The following BRAF variants were observed in gnomAD, a reference collection of about 807,000 sequenced individuals.
BRAF encodes the protein B-Raf proto-oncogene, serine/threonine kinase, also known as serine/threonine-protein kinase B-raf.
In BRAF, 16 loss-of-function variants were observed where a neutral mutation model predicts 104.6. That is an observed-to-expected ratio of 0.15 (90% CI 0.10 to 0.23). The LOEUF is 0.23. Among genes scored for constraint, BRAF ranks in the 10% least tolerant of loss-of-function variants. The pLI is 1.00. For synonymous variants in BRAF, 310 were observed against 341.6 expected (o/e 0.91, Z 1.02); for missense variants, 541 against 937.3 (o/e 0.58, Z 5.52).
intron 1 of BRAF, among the ~76,000 whole-genome samples, chr7:140,905,126 G>A (rs1261963826): frequency 6.6e-6 from 1 of 152,036 alleles, no homozygotes; most frequent in Non-Finnish European, 1.5e-5. Context: ...GCCACTGTTG[G>A]GTAGAATGGG....
rs541569983 is a variant in BRAF at position 140,918,612 on chromosome 7, A to C, written c.138+5954T>G. Among the ~76,000 whole-genome samples the C allele has an allele frequency of 2.6e-5, 4 of 152,316 alleles. No individual in the cohort carries two copies. In the East Asian group the frequency reaches 5.8e-4, roughly 22 times the overall value. On this transcript the variant is annotated intron_variant, in intron 1 of 19. Coordinates refer to ENST00000644969, the MANE Select transcript of BRAF (RefSeq NM_001374258.1). ...TGAAACCCCAAAACAGTGTTTTTCAAACTGCCTGTTGCAGCCAATTTGGCT... is the reference window on the plus strand; with the variant it reads ...TGAAACCCCAAAACAGTGTTTTTCACACTGCCTGTTGCAGCCAATTTGGCT...
At position 140,788,978 on chromosome 7, in the gene BRAF, A is replaced by G. The variant is rs565600073; in HGVS notation, c.1141-1394T>C. ...GTAATACCAGCACTTTGGGAGGCTG[A>G]GGCTGGTGGATCACGAGGTTAGGAG... is the stretch of plus-strand genomic sequence containing the variant. On this transcript the variant is annotated intron_variant, in intron 8 of 19. Transcript: ENST00000644969. Among the ~76,000 whole-genome samples the G allele has an allele frequency of 7.6e-3, 1,155 of 151,788 alleles. 18 individuals are homozygous for G. The highest frequency in any genetic ancestry group is 0.026 in the African/African-American group (1,090 of 41,442).
chr7:140,921,295 T>C (rs1317502677), intron 1 of BRAF, among the ~76,000 whole-genome samples: 1 of 152,170 alleles, frequency 6.6e-6, no homozygotes, highest in Admixed American at 6.5e-5. Context: ...AATGGTCAGA[T>C]GTTAATGTTT....
At chr7:140,923,917 C>CA (rs1273261331) in intron 1 of BRAF, among the ~76,000 whole-genome samples, 1 of 152,126 alleles carries the variant, frequency 6.6e-6, no homozygotes, top group Admixed American at 6.5e-5. Flanking sequence ...AGAGCGCTGA[C>CA]AAACATTAGG....
At chr7:140,894,891 C>T (rs1007327734) in intron 1 of BRAF, among the ~76,000 whole-genome samples, 2 of 152,054 alleles carry the variant, frequency 1.3e-5, no homozygotes, top group Admixed American at 6.6e-5. Context: ...AAGAATGGGC[C>T]CAGTGGTTAC....
chr7:140,845,486 A>C (rs189115478), intron 2 of BRAF, among the ~76,000 whole-genome samples: 1 of 152,356 alleles, frequency 6.6e-6, no homozygotes, highest in East Asian at 1.9e-4. Flanking sequence ...TACGCTCAAT[A>C]ACAAGAACAA....
At chr7:140,859,093 T>C (rs1810116334) in intron 1 of BRAF, among the ~76,000 whole-genome samples, 1 of 152,122 alleles carries the variant, frequency 6.6e-6, no homozygotes, top group Non-Finnish European at 1.5e-5. Flanking sequence ...TTATAAAGAA[T>C]CTAGAAGAAA....
intron 3 of BRAF, among the ~76,000 whole-genome samples, chr7:140,815,432 A>AT (rs11445161): frequency 0.12 from 13,259 of 111,820 alleles, 1,416 homozygotes; most frequent in African/African-American, 0.26. Flanking sequence ...GGTGTGAGCC[A>AT]TTTTTTTTTT....
chr7:140,828,940 A>C (rs1806387161), intron 3 of BRAF, among the ~76,000 whole-genome samples: 1 of 152,154 alleles, frequency 6.6e-6, no homozygotes, highest in South Asian at 2.1e-4. Flanking sequence ...AAATGATCTC[A>C]TAGTTTTAAT....
chr7:140,914,509 T>G (rs1381244166), intron 1 of BRAF, among the ~76,000 whole-genome samples: 1 of 152,180 alleles, frequency 6.6e-6, no homozygotes, highest in Non-Finnish European at 1.5e-5. Context: ...TCATAATCTC[T>G]TCCCTATTTG....
downstream of BRAF, among the ~76,000 whole-genome samples, chr7:140,718,628 C>A (rs1177471367): frequency 6.6e-6 from 1 of 150,966 alleles, no homozygotes; most frequent in Non-Finnish European, 1.5e-5. Flanking sequence ...AGGTGATCCA[C>A]CCGCCTCGGC....
chr7:140,890,718 C>CATCT (rs999018844), intron 1 of BRAF, among the ~76,000 whole-genome samples: 18 of 152,216 alleles, frequency 1.2e-4, no homozygotes, highest in Non-Finnish European at 2.1e-4. Context: ...GGGCCCCAGG[C>CATCT]ATCTGTACCT....
intron 14 of BRAF, chr7:140,758,116 A>AT (rs2129002737): frequency 6.6e-6 from 1 of 152,324 alleles, no homozygotes; most frequent in South Asian, 2.1e-4. Context: ...AGACATTTGC[A>AT]TGTCAGCCCT....
chr7:140,882,861 G>A (rs897353400), intron 1 of BRAF, among the ~76,000 whole-genome samples: 2 of 152,018 alleles, frequency 1.3e-5, no homozygotes, highest in African/African-American at 4.8e-5. Flanking sequence ...GGGCATGGTG[G>A]TGCATGCCTG....
At chr7:140,808,843 T>C (rs369866642) in intron 4 of BRAF, 49 bp downstream of exon 4, 53 of 1,444,938 alleles carry the variant, frequency 3.7e-5, no homozygotes, top group Non-Finnish European at 4.8e-5. Context: ...CAAAGTTTAA[T>C]GTGTGATTTT....
In BRAF at chr7:140,722,570, A is replaced by G; in HGVS notation, c.*3924T>C. The G allele has an allele frequency of 9.5e-7, 1 of 1,055,844 alleles. No homozygotes were observed. The highest frequency in any genetic ancestry group is 1.1e-6 in the Non-Finnish European group (1 of 873,366). 65.4% of individuals were successfully genotyped at this position (1,055,844 alleles called of 1,614,324 possible). A position where few individuals can be genotyped will look rare whatever the true frequency, so the allele number is the denominator to read the frequency against. On this transcript the variant is annotated 3_prime_UTR_variant, in exon 20 of 20. Transcript: ENST00000644969. ...CTCTGGCTATGGTGTTTATAGCCTA[A>G]TGGTTGGAATCTGCTCGTCTCAAGG...
At chr7:140,838,074 C>A (rs1807536417) in intron 2 of BRAF, among the ~76,000 whole-genome samples, 1 of 152,162 alleles carries the variant, frequency 6.6e-6, no homozygotes, top group Admixed American at 6.5e-5. Flanking sequence ...CCACCACCAC[C>A]ATTTCTTTTG....
chr7:140,826,689 C>A (rs1422289689), intron 3 of BRAF, among the ~76,000 whole-genome samples: 1 of 152,162 alleles, frequency 6.6e-6, no homozygotes, highest in African/African-American at 2.4e-5. Context: ...TAAGTTCCAT[C>A]TCAAAAAAGC....
chr7:140,815,088 T>C (rs1051802098), intron 3 of BRAF, among the ~76,000 whole-genome samples: 1 of 151,882 alleles, frequency 6.6e-6, no homozygotes, highest in Non-Finnish European at 1.5e-5. Flanking sequence ...TTTCTGATTT[T>C]ATAATTTAAC....
Sources: gnomAD v4.1 joint callset for allele counts (sites outside exome capture counted in the v4.1 genomes callset) on GRCh38, gnomAD v4.1.1 for gene constraint, MANE v1.5 for transcripts, NCBI Gene and HGNC (gene_info 2026-07-23, HGNC 2026-07-21) for gene names.